FGF18: variants seen among roughly 807,000 people sequenced by gnomAD.
The protein encoded by FGF18 is fibroblast growth factor 18.
FGF18 carries 5 observed loss-of-function variants against 23.0 expected under a neutral mutation model. The observed-to-expected ratio is 0.22, with a 90% CI of 0.11 to 0.46. The LOEUF (loss-of-function observed/expected upper bound fraction) is 0.46. Among genes scored for constraint, FGF18 ranks in the 20% least tolerant of loss-of-function variants. FGF18 has a pLI of 0.99. For missense variants in FGF18, 180 were observed against 291.6 expected (o/e 0.62, Z 2.79); for synonymous variants, 117 against 118.9 (o/e 0.98, Z 0.10).
intron 3 of FGF18, among the ~76,000 whole-genome samples, chr5:171,446,096 C>T (rs967977842): frequency 3.9e-5 from 6 of 152,238 alleles, no homozygotes; most frequent in African/African-American, 1.4e-4. Context: ...TGGCCCGGCT[C>T]CCTCCTCATG....
chr5:171,420,118 CGGCGGA>C lies in FGF18; in HGVS notation c.-77_-72del, dbSNP rs1771979390. 2 of 1,203,816 alleles carry C rather than the reference CGGCGGA, an allele frequency of 1.7e-6. No homozygotes were observed. Among genetic ancestry groups the C allele is most frequent in the Non-Finnish European group, 2.1e-6 (2 of 947,568 alleles). The allele number at this position is 1,203,816 out of a possible 1,614,324, so 74.6% of individuals were successfully genotyped here. ...GCAGCGGCGGCGGCGGCGGCGGCGG[CGGCGGA>C]GGCGCCCGGTCCCGGCCGCGCGGAG... On this transcript the variant is annotated 5_prime_UTR_variant, in exon 1 of 5. Coordinates refer to ENST00000274625, the MANE Select transcript of FGF18 (RefSeq NM_003862.3).
intron 3 of FGF18, among the ~76,000 whole-genome samples, chr5:171,438,623 T>C (rs770473201): frequency 2.0e-5 from 3 of 152,054 alleles, no homozygotes; most frequent in Non-Finnish European, 4.4e-5. Context: ...TCAAGGAATA[T>C]GTTTCTGTAC....
intron 2 of FGF18, among the ~76,000 whole-genome samples, chr5:171,425,486 GC>G (rs1772076113): frequency 6.7e-6 from 1 of 148,706 alleles, no homozygotes; most frequent in Admixed American, 6.7e-5. Flanking sequence ...CTCCCAAAGT[GC>G]TGGGATTACT....
rs1408248990 is a variant in FGF18 at position 171,456,439 on chromosome 5, C to T, written c.358-100C>T. On this transcript the variant is annotated intron_variant, in intron 4 of 4. Transcript: ENST00000274625. The surrounding 1 kb of genome is among the most constrained non-coding windows in gnomAD (Gnocchi z 6.1). ...CAAAACTTCATTACAGTTGTCCCTACAACAATCGCAATGGTCCTGAATAAA... is the reference window on the plus strand; with the variant it reads ...CAAAACTTCATTACAGTTGTCCCTATAACAATCGCAATGGTCCTGAATAAA... 2.5e-6 allele frequency: 3 copies of T among 1,220,736 alleles called. No homozygotes were observed. Among genetic ancestry groups the T allele is most frequent in the African/African-American group, 3.0e-5 (2 of 65,880 alleles). 75.6% of individuals were successfully genotyped at this position (1,220,736 alleles called of 1,614,324 possible).
Position 171,451,788 on chromosome 5 carries a change from G to C in FGF18, c.357+2535G>C, listed in dbSNP as rs1187805264. 6.6e-6 allele frequency among the ~76,000 whole-genome samples: 1 copy of C among 152,160 alleles called. No individual in the cohort carries two copies. Among genetic ancestry groups the C allele is most frequent in the Admixed American group, 6.5e-5 (1 of 15,290 alleles). ...GCTGTTCCATGGACGGGGCCTTCGG[G>C]CACTGTCCATGCTGTGCCCTCTGCC... is the stretch of plus-strand genomic sequence containing the variant. On this transcript the variant is annotated intron_variant, in intron 4 of 4. Transcript: ENST00000274625. The surrounding 1 kb of genome is among the most constrained non-coding windows in gnomAD (Gnocchi z 4.5).
chr5:171,438,266 T>G (rs770651552), intron 3 of FGF18, among the ~76,000 whole-genome samples: 3 of 151,896 alleles, frequency 2.0e-5, no homozygotes, highest in Non-Finnish European at 4.4e-5. Flanking sequence ...CACGCCTGGC[T>G]AATTTTTGTA....
chr5:171,446,020 C>T (rs1772414065), intron 3 of FGF18, among the ~76,000 whole-genome samples: 1 of 152,192 alleles, frequency 6.6e-6, no homozygotes, highest in Non-Finnish European at 1.5e-5. Context: ...CTCATTTTCT[C>T]TCTCCCTCTC....
At chr5:171,452,771 C>T (rs528937564) in intron 4 of FGF18, among the ~76,000 whole-genome samples, 2 of 152,292 alleles carry the variant, frequency 1.3e-5, no homozygotes, top group South Asian at 4.1e-4. Context: ...GTGCTCTGCC[C>T]ACCAGCACAT....
rs755155972 is a variant in FGF18, at chr5:171,436,180, C to T, written c.157C>T (p.Arg53Trp). 6 of 1,608,596 alleles carry T rather than the reference C, an allele frequency of 3.7e-6. No individual in the cohort carries two copies. Among genetic ancestry groups the T allele is most frequent in the Admixed American group, 1.7e-5 (1 of 59,504 alleles). The stretch of plus-strand genomic sequence containing the variant: ...GGACGATGTGAGCCGTAAGCAGCTG[C>T]GGCTGTACCAGCTCTACAGCCGGAC... ...ARDDVSRKQL[R>W]LYQLYSRTSG... Residue 53 changes from arginine (R) to tryptophan (W), a missense_variant, in exon 3 of 5, where the codon CGG (arginine) becomes TGG (tryptophan). Arg to Trp is a moderately radical substitution (Grantham distance 101, BLOSUM62 -3). Coordinates refer to ENST00000274625, the MANE Select transcript of FGF18 (RefSeq NM_003862.3). The surrounding 1 kb of genome is among the most constrained non-coding windows in gnomAD (Gnocchi z 4.4).
intron 2 of FGF18, among the ~76,000 whole-genome samples, chr5:171,423,515 G>A (rs1772050706): frequency 1.3e-5 from 2 of 152,298 alleles, no homozygotes; most frequent in South Asian, 4.1e-4. Flanking sequence ...GGCGGGGTGG[G>A]GGGGCATCCC....
rs958997110 is a variant in FGF18 at position 171,451,463 on chromosome 5, T to C, written c.357+2210T>C. 6.6e-6 allele frequency among the ~76,000 whole-genome samples: 1 copy of C among 152,092 alleles called. No individual in the cohort carries two copies. Among genetic ancestry groups the C allele is most frequent in the African/African-American group, 2.4e-5 (1 of 41,428 alleles). On this transcript the variant is annotated intron_variant, in intron 4 of 4. Transcript: ENST00000274625. The surrounding 1 kb of genome is among the most constrained non-coding windows in gnomAD (Gnocchi z 4.5). ...GCCCAGTCGTACCTTAGGCCCTGGG[T>C]GTCCCCTCCTGCCCTAACCCCTGCC...
chr5:171,440,241 C>T lies in FGF18; in HGVS notation c.250+3968C>T, dbSNP rs1344807355. On this transcript the variant is annotated intron_variant, in intron 3 of 4. Coordinates refer to ENST00000274625, the MANE Select transcript of FGF18 (RefSeq NM_003862.3). This position sits in a 1 kb window ranked among gnomAD's most constrained non-coding sequence, Gnocchi z 4.0. ...ATGGGTGTGTGGGGGGGGGTGGTGC[C>T]ATCGCGGGCTCAGGTGAGGAACTGC... Among the ~76,000 whole-genome samples, 1 of 151,876 alleles carries T rather than the reference C, an allele frequency of 6.6e-6. No individual in the cohort carries two copies. The highest frequency in any genetic ancestry group is 1.9e-4 in the East Asian group (1 of 5,172).
At chr5:171,445,232 G>T (rs893866998) in intron 3 of FGF18, among the ~76,000 whole-genome samples, 2 of 152,168 alleles carry the variant, frequency 1.3e-5, no homozygotes, top group African/African-American at 2.4e-5. Context: ...GGGAGGCAGG[G>T]CTGGTCCACA....
In FGF18 at chr5:171,420,163, G is replaced by T. The variant is rs377251276; in HGVS notation, c.-37G>T. ...GGCCGCGCGGAGCGGACATGTGCAG[G>T]CTGGGCTAGGAGCCGCCGCCTCCCT... On this transcript the variant is annotated 5_prime_UTR_variant, in exon 1 of 5. Coordinates refer to ENST00000274625, the MANE Select transcript of FGF18 (RefSeq NM_003862.3). The T allele has an allele frequency of 4.8e-5, 73 of 1,529,282 alleles. No homozygotes were observed. Among genetic ancestry groups the T allele is most frequent in the Non-Finnish European group, 6.2e-5 (71 of 1,143,270 alleles). 94.7% of individuals were successfully genotyped at this position (1,529,282 alleles called of 1,614,324 possible).
intron 2 of FGF18, among the ~76,000 whole-genome samples, chr5:171,428,478 G>A (rs1479286511): frequency 6.6e-6 from 1 of 152,206 alleles, no homozygotes; most frequent in Non-Finnish European, 1.5e-5. Flanking sequence ...GATGTTTCAC[G>A]TAGACCTTGA....
At chr5:171,445,169 A>G (rs1772400655) in intron 3 of FGF18, among the ~76,000 whole-genome samples, 1 of 152,070 alleles carries the variant, frequency 6.6e-6, no homozygotes, top group African/African-American at 2.4e-5. Context: ...CGACATGTGC[A>G]AAAGCCCTGT....
Position 171,420,173 on chromosome 5 carries a change from G to A in FGF18, c.-27G>A. ...AGCGGACATGTGCAGGCTGGGCTAG[G>A]AGCCGCCGCCTCCCTCCCGCCCAGC... On this transcript the variant is annotated 5_prime_UTR_variant, in exon 1 of 5. Transcript: ENST00000274625. 6.5e-7 allele frequency: 1 copy of A among 1,536,102 alleles called. No individual in the cohort carries two copies. Among genetic ancestry groups the A allele is most frequent in the Non-Finnish European group, 8.7e-7 (1 of 1,146,160 alleles).
chr5:171,431,383 C>T lies in FGF18; in HGVS notation c.70-4710C>T, dbSNP rs984415309. Among the ~76,000 whole-genome samples the T allele has an allele frequency of 8.8e-4, 134 of 152,154 alleles. 1 individual carries two copies. Among genetic ancestry groups the T allele is most frequent in the Non-Finnish European group, 1.2e-4 (8 of 68,038 alleles). Reference sequence around the variant, plus strand: ...GCATCACATTTTGTGTTAAGAGCTGCACCGGGAGAGGATGAGACCGAAGGC... The same window carrying T: ...GCATCACATTTTGTGTTAAGAGCTGTACCGGGAGAGGATGAGACCGAAGGC... On this transcript the variant is annotated intron_variant, in intron 2 of 4. Coordinates refer to ENST00000274625, the MANE Select transcript of FGF18 (RefSeq NM_003862.3).
intron 2 of FGF18, among the ~76,000 whole-genome samples, chr5:171,422,177 T>C (rs1772020214): frequency 6.6e-6 from 1 of 151,994 alleles, no homozygotes; most frequent in Non-Finnish European, 1.5e-5. Flanking sequence ...GTCTTTGTGT[T>C]CTCCGTGGGA....
Sources: allele counts gnomAD v4.1 joint callset (sites outside exome capture counted in the v4.1 genomes callset), GRCh38; gene constraint gnomAD v4.1.1; non-coding constraint Gnocchi (gnomAD v3.1); transcripts MANE v1.5; gene names NCBI Gene and HGNC (gene_info 2026-07-23, HGNC 2026-07-21).